Variants in GRID1 observed in about 807,000 individuals in gnomAD.
GRID1 encodes glutamate receptor ionotropic, delta-1.
In GRID1, 28 loss-of-function variants were observed where a neutral mutation model predicts 98.0. The observed-to-expected ratio is 0.29, with a 90% CI of 0.21 to 0.39. The LOEUF is 0.39. Among genes scored for constraint, GRID1 ranks in the 10% least tolerant of loss-of-function variants. GRID1 has a pLI of 1.00. For missense variants in GRID1, 1,111 were observed against 1,340.5 expected (o/e 0.83, Z 2.67); for synonymous variants, 553 against 538.5 (o/e 1.03, Z -0.37).
intron 3 of GRID1, among the ~76,000 whole-genome samples, chr10:86,204,745 C>T (rs1248376543): frequency 6.6e-6 from 1 of 152,188 alleles, no homozygotes; most frequent in Non-Finnish European, 1.5e-5. Context: ...AGATTGGAAA[C>T]AGAGCAATGG....
intron 3 of GRID1, among the ~76,000 whole-genome samples, chr10:86,186,164 A>T (rs949881391): frequency 1.3e-5 from 2 of 152,142 alleles, no homozygotes; most frequent in Non-Finnish European, 2.9e-5. Flanking sequence ...CTTTCAAGGA[A>T]TTTGTCTATT....
chr10:86,256,937 C>G (rs1846929358), intron 2 of GRID1, among the ~76,000 whole-genome samples: 1 of 152,220 alleles, frequency 6.6e-6, no homozygotes, highest in African/African-American at 2.4e-5. Flanking sequence ...GGCAGCCCCT[C>G]TCTGCCTGCT....
intron 2 of GRID1, among the ~76,000 whole-genome samples, chr10:86,214,206 G>T (rs1424545085): frequency 6.6e-6 from 1 of 152,178 alleles, no homozygotes; most frequent in Non-Finnish European, 1.5e-5. Context: ...GGGACCCACA[G>T]GCCCAGCATA....
intron 11 of GRID1, 72 bp downstream of exon 11, chr10:85,724,280 G>C: frequency 8.3e-7 from 1 of 1,207,244 alleles, no homozygotes; most frequent in Non-Finnish European, 1.2e-6. Flanking sequence ...AAATGCACCT[G>C]AGAACTTTGC....
intron 4 of GRID1, among the ~76,000 whole-genome samples, chr10:85,974,318 T>C (rs546647325): frequency 6.6e-6 from 1 of 151,880 alleles, no homozygotes; most frequent in South Asian, 2.1e-4. Context: ...TTTTGTTTTT[T>C]GTAAAACAGA....
intron 8 of GRID1, among the ~76,000 whole-genome samples, chr10:85,827,874 C>T (rs893945392): frequency 9.2e-5 from 14 of 152,180 alleles, no homozygotes; most frequent in African/African-American, 2.6e-4. Context: ...TTCGACAGAT[C>T]GTCAAGGCAG....
intron 8 of GRID1, among the ~76,000 whole-genome samples, chr10:85,753,458 G>A (rs1842067025): frequency 6.6e-6 from 1 of 152,180 alleles, no homozygotes; most frequent in Non-Finnish European, 1.5e-5. Context: ...TATATGGACA[G>A]AGAGAGGAAG....
rs140144576 is a variant in GRID1, at chr10:85,634,998, G to GAAAAAAAAAAAAAAAAAAA, written c.2193+12185_2193+12203dup. 1.1e-4 allele frequency among the ~76,000 whole-genome samples: 4 copies of GAAAAAAAAAAAAAAAAAAA among 35,010 alleles called. 1 individual carries two copies. The highest frequency in any genetic ancestry group is 3.7e-4 in the African/African-American group (4 of 10,944). The allele number at this position is 35,010 out of a possible 152,430, so 23.0% of individuals were successfully genotyped here. A position where few individuals can be genotyped will look rare whatever the true frequency, so the allele number is the denominator to read the frequency against. On this transcript the variant is annotated intron_variant, in intron 13 of 15. Coordinates refer to ENST00000327946, the MANE Select transcript of GRID1 (RefSeq NM_017551.3). ...GCAAATTACAGGGCAGAGGAAATCT[G>GAAAAAAAAAAAAAAAAAAA]AAAAAAAAAAAAAAAAAAAAAAAAA...
At chr10:85,734,122 G>T in intron 8 of GRID1, among the ~76,000 whole-genome samples, 1 of 152,216 alleles carries the variant, frequency 6.6e-6, no homozygotes, top group East Asian at 1.9e-4. Context: ...TCAGTGCTTT[G>T]GCTGTAAGGA....
chr10:85,666,820 C>A (rs972708634), intron 12 of GRID1, among the ~76,000 whole-genome samples: 19 of 152,148 alleles, frequency 1.2e-4, no homozygotes, highest in Non-Finnish European at 4.4e-5. Context: ...GGCTCCTCCC[C>A]CATACAGCTC....
intron 3 of GRID1, among the ~76,000 whole-genome samples, chr10:86,177,217 A>C (rs1050003347): frequency 1.3e-5 from 2 of 152,050 alleles, no homozygotes; most frequent in Non-Finnish European, 2.9e-5. Flanking sequence ...CTGAGAACTT[A>C]CTTGCCTTTA....
intron 4 of GRID1, among the ~76,000 whole-genome samples, chr10:85,968,609 A>C (rs1486743682): frequency 1.3e-5 from 2 of 152,188 alleles, no homozygotes; most frequent in Non-Finnish European, 2.9e-5. Context: ...ATAACATTTA[A>C]AATTATCTAC....
chr10:86,261,385 G>A (rs1847013746), intron 2 of GRID1, among the ~76,000 whole-genome samples: 1 of 152,200 alleles, frequency 6.6e-6, no homozygotes, highest in Non-Finnish European at 1.5e-5. Context: ...AGTGAGGATC[G>A]GATGTGAAAA....
intron 14 of GRID1, among the ~76,000 whole-genome samples, chr10:85,616,534 TC>T (rs1219646170): frequency 1.3e-5 from 2 of 152,204 alleles, no homozygotes; most frequent in Admixed American, 6.5e-5. Flanking sequence ...TTGCTGACCT[TC>T]TCTTCTTCCT....
At chr10:85,821,651 G>A (rs539131278) in intron 8 of GRID1, among the ~76,000 whole-genome samples, 7 of 151,156 alleles carry the variant, frequency 4.6e-5, no homozygotes, top group East Asian at 1.9e-4. Context: ...TATCTTGATC[G>A]TAACAAAAAT....
At chr10:86,055,034 G>C (rs1843553896) in intron 4 of GRID1, among the ~76,000 whole-genome samples, 1 of 152,156 alleles carries the variant, frequency 6.6e-6, no homozygotes, top group Non-Finnish European at 1.5e-5. Flanking sequence ...GGGGATGGAA[G>C]ACCATGTGGA....
At chr10:86,096,862 G>A (rs72835250) in intron 4 of GRID1, among the ~76,000 whole-genome samples, 2,459 of 152,262 alleles carry the variant, frequency 0.016, 38 homozygotes, top group East Asian at 0.065. Context: ...TGTTTCTTCC[G>A]TAGCCAGGAT....
chr10:85,887,190 T>C (rs1475696686), intron 5 of GRID1, among the ~76,000 whole-genome samples: 1 of 152,194 alleles, frequency 6.6e-6, no homozygotes. Flanking sequence ...CAGGTCCCTA[T>C]AGACCACCTA....
chr10:86,015,999 C>T (rs538492178), intron 4 of GRID1, among the ~76,000 whole-genome samples: 7 of 152,052 alleles, frequency 4.6e-5, no homozygotes, highest in African/African-American at 1.4e-4. Flanking sequence ...TGAGGGGTTG[C>T]CACATAGACA....
Sources: allele counts gnomAD v4.1 joint callset (sites outside exome capture counted in the v4.1 genomes callset), GRCh38; gene constraint gnomAD v4.1.1; transcripts MANE v1.5; gene names NCBI Gene and HGNC (gene_info 2026-07-23, HGNC 2026-07-21).